Variants in BCAS3 observed in about 807,000 individuals in gnomAD.
BCAS3 encodes BCAS3 microtubule associated cell migration factor.
In BCAS3, 53 loss-of-function variants were observed where a neutral mutation model predicts 116.1. The observed-to-expected ratio is 0.46, with a 90% CI of 0.37 to 0.57. BCAS3 has a LOEUF of 0.57. Ranked by LOEUF, BCAS3 falls within the 20% of genes least tolerant of loss-of-function variation. The pLI is 0.00. For missense variants in BCAS3, 917 were observed against 1,165.4 expected (o/e 0.79, Z 3.10); for synonymous variants, 391 against 408.2 (o/e 0.96, Z 0.51).
chr17:60,839,619 T>G (rs189546788), intron 7 of BCAS3, among the ~76,000 whole-genome samples: 47 of 152,310 alleles, frequency 3.1e-4, no homozygotes, highest in Middle Eastern at 3.4e-3. Context: ...CTTTTTCTTT[T>G]TAATTACTTA....
At chr17:60,868,944 A>G (rs2054870066) in intron 8 of BCAS3, among the ~76,000 whole-genome samples, 1 of 152,208 alleles carries the variant, frequency 6.6e-6, no homozygotes, top group South Asian at 2.1e-4. Flanking sequence ...AAATGAATAG[A>G]AAGTATCTGA....
intron 14 of BCAS3, among the ~76,000 whole-genome samples, chr17:60,950,469 T>C (rs746394826): frequency 6.6e-5 from 10 of 152,194 alleles, no homozygotes; most frequent in Non-Finnish European, 8.8e-5. Context: ...CAACTATAAC[T>C]AATTTGCTGG....
Position 61,134,672 on chromosome 17 carries a change from G to A in BCAS3, c.2425+50108G>A, listed in dbSNP as rs1018604240. On this transcript the variant is annotated intron_variant, in intron 22 of 23. Transcript: ENST00000407086. The surrounding 1 kb of genome is among the most constrained non-coding windows in gnomAD (Gnocchi z 4.6). ...GTTAATGATAGCTAGCATTGATGGA[G>A]CCTGTACTATATAATTATGTAATTA... Among the ~76,000 whole-genome samples, 1 of 152,158 alleles carries A rather than the reference G, an allele frequency of 6.6e-6. No homozygotes were observed. The highest frequency in any genetic ancestry group is 1.5e-5 in the Non-Finnish European group (1 of 68,022).
chr17:61,182,935 T>A (rs749644824), intron 22 of BCAS3, among the ~76,000 whole-genome samples: 28 of 152,234 alleles, frequency 1.8e-4, no homozygotes, highest in Non-Finnish European at 3.5e-4. Context: ...GCTGAATGAC[T>A]TCCCTGTTAC....
chr17:60,902,067 G>A (rs2057933033), intron 10 of BCAS3, among the ~76,000 whole-genome samples: 1 of 152,146 alleles, frequency 6.6e-6, no homozygotes, highest in Non-Finnish European at 1.5e-5. Flanking sequence ...ATTCCTAATG[G>A]TAAAAGTTTA....
chr17:61,080,950 GTAA>G (rs2072544658), intron 21 of BCAS3, among the ~76,000 whole-genome samples: 1 of 151,984 alleles, frequency 6.6e-6, no homozygotes, highest in African/African-American at 2.4e-5. Flanking sequence ...AAGATGTCAG[GTAA>G]TAATGACAGA....
chr17:61,172,207 A>G (rs1370825527), intron 22 of BCAS3, among the ~76,000 whole-genome samples: 1 of 152,268 alleles, frequency 6.6e-6, no homozygotes, highest in Non-Finnish European at 1.5e-5. Flanking sequence ...ACAAAGAATC[A>G]GCAAGAAGGA....
rs1455231615 is a variant in BCAS3 at position 61,222,263 on chromosome 17, C to T, written c.2425+137699C>T. On this transcript the variant is annotated intron_variant, in intron 22 of 23. Transcript: ENST00000407086. This position sits in a 1 kb window ranked among gnomAD's most constrained non-coding sequence, Gnocchi z 6.1. ...CTTTGAAAGAAAGGGCCTCCATAGG[C>T]TTGTCAAACCATAGACTTCAATTTT... 1.3e-5 allele frequency among the ~76,000 whole-genome samples: 2 copies of T among 152,194 alleles called. No individual in the cohort carries two copies. Among genetic ancestry groups the T allele is most frequent in the Non-Finnish European group, 2.9e-5 (2 of 68,042 alleles).
intron 9 of BCAS3, among the ~76,000 whole-genome samples, chr17:60,889,017 G>A (rs143109183): frequency 1.7e-4 from 26 of 152,224 alleles, no homozygotes; most frequent in African/African-American, 6.3e-4. Context: ...GAAGAAAACC[G>A]ATTCTTCAAT....
At position 61,131,212 on chromosome 17, in the gene BCAS3, T is replaced by G. The variant is rs531427069; in HGVS notation, c.2425+46648T>G. ...AAAAAAATACTATGTGTTTGTAATT[T>G]TATGATTATAATTCCATTTAAGTAA... is the stretch of plus-strand genomic sequence containing the variant. On this transcript the variant is annotated intron_variant, in intron 22 of 23. Coordinates refer to ENST00000407086, the MANE Select transcript of BCAS3 (RefSeq NM_017679.5). The surrounding 1 kb of genome is among the most constrained non-coding windows in gnomAD (Gnocchi z 4.4). 6.8e-4 allele frequency among the ~76,000 whole-genome samples: 103 copies of G among 152,318 alleles called. No homozygotes were observed. Among genetic ancestry groups the G allele is most frequent in the Non-Finnish European group, 9.3e-4 (63 of 68,036 alleles).
rs2079478920 is a variant in BCAS3 at position 61,181,510 on chromosome 17, G to A, written c.2425+96946G>A. ...TTTTGTGTAGTAACCCAGCCAAAGA[G>A]CTTGACTATTTTAATCATTTCCCTT... On this transcript the variant is annotated intron_variant, in intron 22 of 23. Transcript: ENST00000407086. This position sits in a 1 kb window ranked among gnomAD's most constrained non-coding sequence, Gnocchi z 5.0. 6.6e-6 allele frequency among the ~76,000 whole-genome samples: 1 copy of A among 152,192 alleles called. No individual in the cohort carries two copies. Among genetic ancestry groups the A allele is most frequent in the African/African-American group, 2.4e-5 (1 of 41,450 alleles).
intron 15 of BCAS3, among the ~76,000 whole-genome samples, chr17:60,997,391 G>A (rs1568073845): frequency 6.6e-6 from 1 of 152,294 alleles, no homozygotes; most frequent in Non-Finnish European, 1.5e-5. Flanking sequence ...AGACAGTGTC[G>A]ACAAGTCTTT....
intron 6 of BCAS3, among the ~76,000 whole-genome samples, chr17:60,751,944 ATG>A (rs2042508855): frequency 6.6e-6 from 1 of 152,242 alleles, no homozygotes; most frequent in African/African-American, 2.4e-5. Context: ...ATGAAAATTT[ATG>A]TGAGTCTGTG....
At chr17:60,938,332 A>G (rs923993496) in intron 13 of BCAS3, among the ~76,000 whole-genome samples, 5 of 152,262 alleles carry the variant, frequency 3.3e-5, no homozygotes, top group African/African-American at 9.6e-5. Flanking sequence ...GGGAGTAAGT[A>G]TAGACATAGA....
In BCAS3 at chr17:61,040,906, A is replaced by ATT; in HGVS notation, c.2029+23_2029+24dup. On this transcript the variant is annotated intron_variant, in intron 19 of 23. Transcript: ENST00000407086. ...TGCTTGCTGGCCGTAAGTAGTTCAG[A>ATT]TTTTTTTTTTCCTTTCGTATGGTCT... is the stretch of plus-strand genomic sequence containing the variant. 2.0e-6 allele frequency: 3 copies of ATT among 1,523,142 alleles called. No homozygotes were observed. The highest frequency in any genetic ancestry group is 1.2e-5 in the South Asian group (1 of 84,008). The allele number at this position is 1,523,142 out of a possible 1,614,324, so 94.4% of individuals were successfully genotyped here. A position where few individuals can be genotyped will look rare whatever the true frequency, so the allele number is the denominator to read the frequency against.
intron 7 of BCAS3, among the ~76,000 whole-genome samples, chr17:60,841,380 C>CTT (rs1220454180): frequency 6.5e-5 from 9 of 137,896 alleles, no homozygotes; most frequent in Non-Finnish European, 1.1e-4. Context: ...TCTTCTCATA[C>CTT]TTTTTTTTTT....
In BCAS3 at chr17:61,259,706, G is replaced by A. The variant is rs1289035921; in HGVS notation, c.2426-108621G>A. ...GTTCCAGGGCACCAGCCTTAGAGTG[G>A]GCAGTCGTTCATTACTGGCCTAGGA... On this transcript the variant is annotated intron_variant, in intron 22 of 23. Transcript: ENST00000407086. The surrounding 1 kb of genome is among the most constrained non-coding windows in gnomAD (Gnocchi z 4.7). Among the ~76,000 whole-genome samples the A allele has an allele frequency of 6.6e-6, 1 of 152,062 alleles. No homozygotes were observed. Among genetic ancestry groups the A allele is most frequent in the East Asian group, 1.9e-4 (1 of 5,184 alleles).
chr17:60,793,549 C>T (rs559636346), intron 6 of BCAS3, among the ~76,000 whole-genome samples: 206 of 152,076 alleles, frequency 1.4e-3, no homozygotes, highest in South Asian at 2.1e-3. Context: ...TTATCCATCG[C>T]CCCCATCTCA....
chr17:61,061,974 A>G (rs996666385), intron 19 of BCAS3, among the ~76,000 whole-genome samples: 1 of 152,186 alleles, frequency 6.6e-6, no homozygotes, highest in Non-Finnish European at 1.5e-5. Context: ...CACCCCCTTT[A>G]AAAAGTTACT....
Sources: allele counts gnomAD v4.1 joint callset (sites outside exome capture counted in the v4.1 genomes callset), GRCh38; gene constraint gnomAD v4.1.1; non-coding constraint Gnocchi (gnomAD v3.1); transcripts MANE v1.5; gene names NCBI Gene and HGNC (gene_info 2026-07-23, HGNC 2026-07-21).